The following NXPH2 variants were observed in gnomAD, a reference collection of about 807,000 sequenced individuals.
The protein encoded by NXPH2 is neurexophilin-2.
NXPH2 carries 5 observed loss-of-function variants against 19.8 expected under a neutral mutation model. That is an observed-to-expected ratio of 0.25 (90% CI 0.13 to 0.53). NXPH2 has a LOEUF of 0.53. NXPH2 is among the 20% of genes least tolerant of loss of function. The pLI, the probability that NXPH2 is intolerant of heterozygous loss-of-function variation, is 0.96. For missense variants in NXPH2, 289 were observed against 322.8 expected (o/e 0.90, Z 0.80); for synonymous variants, 154 against 127.4 (o/e 1.21, Z -1.41).
At chr2:138,723,753 CGCCCACACCTCACAGCT>C (rs1172598016) in intron 1 of NXPH2, among the ~76,000 whole-genome samples, 1 of 152,134 alleles carries the variant, frequency 6.6e-6, no homozygotes, top group Non-Finnish European at 1.5e-5. Flanking sequence ...CTCACCCACT[CGCCCACACCTCACAGCT>C]GTTACTTCAT....
At chr2:138,766,540 A>G (rs1359453438) in intron 1 of NXPH2, among the ~76,000 whole-genome samples, 7 of 152,110 alleles carry the variant, frequency 4.6e-5, no homozygotes, top group Non-Finnish European at 1.0e-4. Flanking sequence ...CAACAACGAG[A>G]AACTATTTGG....
chr2:138,780,140 C>T (rs1682328577), intron 1 of NXPH2, 51 bp downstream of exon 1: 2 of 1,464,558 alleles, frequency 1.4e-6, no homozygotes, highest in South Asian at 1.3e-5. Context: ...GCGGTTTTCC[C>T]GCCGAAACGC....
intron 1 of NXPH2, among the ~76,000 whole-genome samples, chr2:138,744,674 C>T (rs941709185): frequency 1.3e-5 from 2 of 152,134 alleles, no homozygotes; most frequent in Non-Finnish European, 2.9e-5. Flanking sequence ...TCTTACTTTA[C>T]GGACCTGCTT....
intron 1 of NXPH2, among the ~76,000 whole-genome samples, chr2:138,683,151 T>C (rs12466416): frequency 0.24 from 36,317 of 152,012 alleles, 5,089 homozygotes; most frequent in Non-Finnish European, 0.28. Flanking sequence ...TTTTGCGAAG[T>C]CAAACAAGGT....
intron 1 of NXPH2, among the ~76,000 whole-genome samples, chr2:138,713,063 C>T (rs1681128837): frequency 1.3e-5 from 2 of 152,204 alleles, no homozygotes; most frequent in Non-Finnish European, 2.9e-5. Flanking sequence ...TCCAAAGCTT[C>T]CAGGTCTTCA....
At chr2:138,710,684 T>C (rs140199030) in intron 1 of NXPH2, among the ~76,000 whole-genome samples, 38 of 152,240 alleles carry the variant, frequency 2.5e-4, no homozygotes, top group African/African-American at 8.7e-4. Context: ...CTATTATAAT[T>C]TACCACTCTC....
intron 1 of NXPH2, among the ~76,000 whole-genome samples, chr2:138,672,012 T>G (rs1676200151): frequency 6.6e-6 from 1 of 152,210 alleles, no homozygotes; most frequent in African/African-American, 2.4e-5. Flanking sequence ...CATTAAATTG[T>G]CAACTCTTTT....
chr2:138,691,333 T>C (rs1680741862), intron 1 of NXPH2, among the ~76,000 whole-genome samples: 1 of 152,148 alleles, frequency 6.6e-6, no homozygotes, highest in Admixed American at 6.6e-5. Context: ...CTTTCTAGTA[T>C]CACTATAGGG....
Position 138,753,235 on chromosome 2 carries a change from G to A in NXPH2, c.51+26956C>T, listed in dbSNP as rs183196857. Among the ~76,000 whole-genome samples, 152 of 152,292 alleles carry A rather than the reference G, an allele frequency of 1.0e-3. 1 individual carries two copies. Among genetic ancestry groups the A allele is most frequent in the African/African-American group, 3.6e-3 (150 of 41,582 alleles). ...TTTATACTTTGGGTTATAATCTAAT[G>A]TTAATTTACTCTGTTGTTCACATTG... On this transcript the variant is annotated intron_variant, in intron 1 of 1. Coordinates refer to ENST00000272641, the MANE Select transcript of NXPH2 (RefSeq NM_007226.3).
intron 1 of NXPH2, among the ~76,000 whole-genome samples, chr2:138,777,877 A>AT (rs1314039839): frequency 5.5e-5 from 8 of 146,330 alleles, no homozygotes; most frequent in African/African-American, 1.2e-4. Flanking sequence ...CAAAGGGCAG[A>AT]TTTTTTTAGT....
At chr2:138,715,624 A>G (rs1681185827) in intron 1 of NXPH2, among the ~76,000 whole-genome samples, 1 of 152,190 alleles carries the variant, frequency 6.6e-6, no homozygotes, top group South Asian at 2.1e-4. Flanking sequence ...AGGAGGGCAC[A>G]CTGACTAGAA....
rs187279860 is a variant in NXPH2, at chr2:138,745,766, A to G, written c.51+34425T>C. On this transcript the variant is annotated intron_variant, in intron 1 of 1. Coordinates refer to ENST00000272641, the MANE Select transcript of NXPH2 (RefSeq NM_007226.3). ...CAAATGCCAGGCACATCTATCCAAC[A>G]ATTTCAGGACAGCTGTTACCTATGG... is the stretch of plus-strand genomic sequence containing the variant. Among the ~76,000 whole-genome samples, 247 of 152,160 alleles carry G rather than the reference A, an allele frequency of 1.6e-3. 3 individuals are homozygous for G. Among genetic ancestry groups the G allele is most frequent in the Non-Finnish European group, 1.6e-3 (108 of 68,016 alleles).
At chr2:138,733,882 A>G (rs567896398) in intron 1 of NXPH2, among the ~76,000 whole-genome samples, 9 of 152,356 alleles carry the variant, frequency 5.9e-5, no homozygotes, top group Non-Finnish European at 1.0e-4. Flanking sequence ...TTGCAACTAC[A>G]TCAGGAAAAG....
Position 138,670,999 on chromosome 2 carries a change from C to T in NXPH2, c.718G>A (p.Val240Ile). Residue 240 changes from valine (V) to isoleucine (I), a missense_variant, in exon 2 of 2, where the codon GTT becomes ATT. Physicochemically the swap from Val to Ile is conservative, Grantham distance 29 (BLOSUM62 3). Coordinates refer to ENST00000272641, the MANE Select transcript of NXPH2 (RefSeq NM_007226.3). ...VICIYIAFYSVDYKLVQKVCP... is the reference protein window; with the variant it reads ...VICIYIAFYSIDYKLVQKVCP... ...ACCTTTTGCACGAGTTTATAATCAA[C>T]ACTGTAAAAGGCAATGTAAATGCAA... The T allele has an allele frequency of 1.2e-6, 2 of 1,613,926 alleles. No individual in the cohort carries two copies. The highest frequency in any genetic ancestry group is 4.5e-5 in the East Asian group (2 of 44,880).
intron 1 of NXPH2, among the ~76,000 whole-genome samples, chr2:138,732,875 A>C (rs1454672961): frequency 6.6e-6 from 1 of 152,226 alleles, no homozygotes; most frequent in Non-Finnish European, 1.5e-5. Context: ...CATTTGACTT[A>C]AAGCCAAAAC....
At chr2:138,780,086 A>T (rs762487266) in intron 1 of NXPH2, 105 bp downstream of exon 1, 100 of 1,197,694 alleles carry the variant, frequency 8.3e-5, no homozygotes, top group Non-Finnish European at 1.0e-4. Flanking sequence ...CCCCAACCCC[A>T]CTTCCCAAGC....
chr2:138,726,984 C>A (rs934829372), intron 1 of NXPH2, among the ~76,000 whole-genome samples: 3 of 152,292 alleles, frequency 2.0e-5, no homozygotes, highest in African/African-American at 7.2e-5. Flanking sequence ...AGCCACTGAT[C>A]TTTTCACATG....
chr2:138,701,211 G>A (rs987523439), intron 1 of NXPH2, among the ~76,000 whole-genome samples: 2 of 152,112 alleles, frequency 1.3e-5, no homozygotes, highest in African/African-American at 4.8e-5. Flanking sequence ...GTGGGGTGGG[G>A]TGGGTTATAC....
At chr2:138,756,941 T>C (rs183374199) in intron 1 of NXPH2, among the ~76,000 whole-genome samples, 154 of 152,320 alleles carry the variant, frequency 1.0e-3, no homozygotes, top group Middle Eastern at 3.4e-3. Context: ...AAACTCTTAC[T>C]CTAAGCAAAG....
Sources: gnomAD v4.1 joint callset for allele counts (sites outside exome capture counted in the v4.1 genomes callset) on GRCh38, gnomAD v4.1.1 for gene constraint, MANE v1.5 for transcripts, NCBI Gene and HGNC (gene_info 2026-07-23, HGNC 2026-07-21) for gene names.